PCDHA13: variants seen among roughly 807,000 people sequenced by gnomAD.
The protein encoded by PCDHA13 is protocadherin alpha-13.
A neutral mutation model predicts 64.8 loss-of-function variants in PCDHA13; 54 were observed. The ratio of observed to expected loss-of-function variants is 0.83; its 90% CI spans 0.67 to 1.04. The LOEUF (loss-of-function observed/expected upper bound fraction) is 1.04, where lower values mean the gene tolerates loss of function less well. PCDHA13 is among the 50% of genes least tolerant of loss of function. The pLI is 0.00. For missense variants in PCDHA13, 1,248 were observed against 1,254.3 expected (o/e 0.99, Z 0.08); for synonymous variants, 587 against 564.4 (o/e 1.04, Z -0.57).
chr5:140,902,885 T>C (rs2069815301), intron 1 of PCDHA13, among the ~76,000 whole-genome samples: 1 of 152,238 alleles, frequency 6.6e-6, no homozygotes, highest in Admixed American at 6.5e-5. Context: ...CTGCAAAAGC[T>C]ATTATTTTAT....
Position 140,884,290 on chromosome 5 carries a change from A to G in PCDHA13, c.2022A>G (p.Gln674=). 1 of 1,613,642 alleles carries G rather than the reference A, an allele frequency of 6.2e-7. No individual in the cohort carries two copies. The highest frequency in any genetic ancestry group is 8.5e-7 in the Non-Finnish European group (1 of 1,179,814). The part of the protein sequence containing the change: ...TVLLSLVESG[Q]APQASSRASA... Reference sequence around the variant, plus strand: ...TGTTGTCGCTGGTGGAGAGCGGCCAAGCGCCACAGGCTTCGTCGAGGGCGT... The same window carrying G: ...TGTTGTCGCTGGTGGAGAGCGGCCAGGCGCCACAGGCTTCGTCGAGGGCGT... The change falls in exon 1 of 4, where the codon CAA becomes CAG. Residue 674 remains glutamine, a synonymous_variant. Transcript: ENST00000289272.
At chr5:141,004,156 A>G (rs2098155888) in intron 3 of PCDHA13, among the ~76,000 whole-genome samples, 1 of 152,248 alleles carries the variant, frequency 6.6e-6, no homozygotes, top group Admixed American at 6.5e-5. Flanking sequence ...GACATTTTAT[A>G]GGCAAAGCCA....
At chr5:140,942,949 G>A (rs1183072564) in intron 1 of PCDHA13, among the ~76,000 whole-genome samples, 10 of 151,942 alleles carry the variant, frequency 6.6e-5, no homozygotes, top group Admixed American at 1.3e-4. Flanking sequence ...AAGTGTAGAC[G>A]TTCTGTTATC....
chr5:141,010,058 C>T lies in PCDHA13; in HGVS notation c.*121C>T. On this transcript the variant is annotated 3_prime_UTR_variant, in exon 4 of 4. Transcript: ENST00000289272. Reference sequence around the variant, plus strand: ...GAGCCCTCTTAGAGACCTCAGAAATCTGCAGAAAGTTCCCTGTGTCTGTCT... The same window carrying T: ...GAGCCCTCTTAGAGACCTCAGAAATTTGCAGAAAGTTCCCTGTGTCTGTCT... 6.2e-7 allele frequency: 1 copy of T among 1,601,100 alleles called. No homozygotes were observed. Among genetic ancestry groups the T allele is most frequent in the Non-Finnish European group, 8.5e-7 (1 of 1,173,728 alleles).
chr5:140,940,413 A>G (rs2092607327), intron 1 of PCDHA13, among the ~76,000 whole-genome samples: 1 of 152,166 alleles, frequency 6.6e-6, no homozygotes, highest in East Asian at 1.9e-4. Context: ...TTTAAAAATT[A>G]TAATTATTAC....
At chr5:141,007,677 T>C (rs2098339934) in intron 3 of PCDHA13, among the ~76,000 whole-genome samples, 1 of 152,158 alleles carries the variant, frequency 6.6e-6, no homozygotes, top group South Asian at 2.1e-4. Flanking sequence ...AGACAAAAGT[T>C]ATCCTACTTC....
At chr5:140,928,809 G>A (rs1563109634) in intron 1 of PCDHA13, 2 of 1,614,078 alleles carry the variant, frequency 1.2e-6, no homozygotes, top group African/African-American at 2.7e-5. Flanking sequence ...TAGTGGTTCG[G>A]GACCATGGAG....
chr5:140,968,127 C>T (rs1217974732), intron 1 of PCDHA13: 7 of 1,614,064 alleles, frequency 4.3e-6, no homozygotes, highest in Non-Finnish European at 5.9e-6. Context: ...TCCCTGCGTA[C>T]ACTGAAGGTT....
chr5:140,945,620 C>T (rs1451535910), intron 1 of PCDHA13, among the ~76,000 whole-genome samples: 2 of 152,092 alleles, frequency 1.3e-5, no homozygotes, highest in African/African-American at 4.8e-5. Context: ...CAGCATGGTA[C>T]TGGCATAAAA....
intron 1 of PCDHA13, among the ~76,000 whole-genome samples, chr5:140,977,702 A>C (rs1420121979): frequency 1.3e-5 from 2 of 152,190 alleles, no homozygotes; most frequent in African/African-American, 4.8e-5. Context: ...AATCTGTCTG[A>C]ATATTGAGAT....
At chr5:140,953,959 C>T (rs2094958753) in intron 1 of PCDHA13, among the ~76,000 whole-genome samples, 1 of 152,044 alleles carries the variant, frequency 6.6e-6, no homozygotes, top group South Asian at 2.1e-4. Flanking sequence ...CAACAGGCCC[C>T]AGTGTGTGTT....
At chr5:140,914,997 G>A (rs548148626) in intron 1 of PCDHA13, among the ~76,000 whole-genome samples, 43 of 148,264 alleles carry the variant, frequency 2.9e-4, no homozygotes, top group African/African-American at 1.0e-3. Flanking sequence ...CCAGGCTGGA[G>A]TGCAGTGGCC....
At position 140,883,026 on chromosome 5, in the gene PCDHA13, A is replaced by C. The variant is rs1562783010; in HGVS notation, c.758A>C (p.Glu253Ala). Residue 253 changes from glutamate to alanine, a missense_variant, in exon 1 of 4, where the codon GAG becomes GCG. Glu to Ala is a moderately radical substitution (Grantham distance 107, BLOSUM62 -1). Coordinates refer to ENST00000289272, the MANE Select transcript of PCDHA13 (RefSeq NM_018904.3). ...YQSVYKVTVL[E>A]NAFNGTLVIK... Reference sequence around the variant, plus strand: ...TCCGTTTATAAAGTGACGGTGTTAGAGAACGCCTTCAATGGAACATTAGTG... The same window carrying C: ...TCCGTTTATAAAGTGACGGTGTTAGCGAACGCCTTCAATGGAACATTAGTG... 1 of 1,614,190 alleles carries C rather than the reference A, an allele frequency of 6.2e-7. No homozygotes were observed. The highest frequency in any genetic ancestry group is 8.5e-7 in the Non-Finnish European group (1 of 1,180,044).
chr5:140,983,239 C>CCTGCTAAGTTGTGTAAAAAA (rs1261909895), intron 3 of PCDHA13, among the ~76,000 whole-genome samples: 1 of 152,176 alleles, frequency 6.6e-6, no homozygotes, highest in Non-Finnish European at 1.5e-5. Flanking sequence ...GGAAAGAGAA[C>CCTGCTAAGTTGTGTAAAAAA]CTGCTAAGTT....
At chr5:141,005,422 A>G (rs1383654342) in intron 3 of PCDHA13, among the ~76,000 whole-genome samples, 3 of 152,132 alleles carry the variant, frequency 2.0e-5, no homozygotes, top group African/African-American at 7.2e-5. Flanking sequence ...AGTCATGCTA[A>G]GAATGGATGA....
intron 1 of PCDHA13, among the ~76,000 whole-genome samples, chr5:140,897,219 C>T (rs1169975962): frequency 1.1e-4 from 17 of 152,004 alleles, no homozygotes; most frequent in Admixed American, 1.1e-3. Flanking sequence ...TTTTAGGGTA[C>T]ATGTGCACAA....
intron 1 of PCDHA13, among the ~76,000 whole-genome samples, chr5:140,894,384 T>A (rs1554186071): frequency 6.6e-6 from 1 of 152,046 alleles, no homozygotes; most frequent in Admixed American, 6.5e-5. Flanking sequence ...ATTATATTTG[T>A]ATTAGATATT....
intron 1 of PCDHA13, among the ~76,000 whole-genome samples, chr5:140,934,534 G>GT (rs1563143363): frequency 2.6e-5 from 4 of 152,064 alleles, no homozygotes; most frequent in Non-Finnish European, 4.4e-5. Flanking sequence ...GAGAGCTACC[G>GT]TTCTAATTCT....
intron 1 of PCDHA13, among the ~76,000 whole-genome samples, chr5:140,900,615 T>C (rs1554189289): frequency 1.3e-5 from 2 of 152,336 alleles, no homozygotes; most frequent in East Asian, 3.9e-4. Context: ...GACATGTAGA[T>C]TGCTTCCAAA....
Sources: gnomAD v4.1 joint callset for allele counts (sites outside exome capture counted in the v4.1 genomes callset) on GRCh38, gnomAD v4.1.1 for gene constraint, MANE v1.5 for transcripts, NCBI Gene and HGNC (gene_info 2026-07-23, HGNC 2026-07-21) for gene names.